Variants in SCGB2B2 observed in about 807,000 individuals in gnomAD.
The protein encoded by SCGB2B2 is secretoglobin-like protein.
A neutral mutation model predicts 7.6 loss-of-function variants in SCGB2B2; 11 were observed. The observed-to-expected ratio is 1.45, with a 90% CI of 0.91 to 2.40. The LOEUF (loss-of-function observed/expected upper bound fraction) is 2.40, where lower values mean the gene tolerates loss of function less well. SCGB2B2 is among the 30% of genes most tolerant of loss of function. SCGB2B2 has a pLI of 0.00. For synonymous variants in SCGB2B2, 50 were observed against 48.6 expected (o/e 1.03, Z -0.12); for missense variants, 104 against 115.4 (o/e 0.90, Z 0.45).
intron 1 of SCGB2B2, among the ~76,000 whole-genome samples, chr19:34,660,454 C>T (rs2067421509): frequency 6.6e-6 from 1 of 152,062 alleles, no homozygotes; most frequent in South Asian, 2.1e-4. Context: ...AGCAAACAAC[C>T]CCATCAAAAA....
At chr19:34,643,227 T>C (rs1034824882) in intron 1 of SCGB2B2, among the ~76,000 whole-genome samples, 5 of 152,202 alleles carry the variant, frequency 3.3e-5, no homozygotes, top group Admixed American at 2.6e-4. Flanking sequence ...ACTATCCCTA[T>C]ATTATTACTA....
chr19:34,665,064 C>T (rs1017869176), intron 1 of SCGB2B2, among the ~76,000 whole-genome samples: 4 of 152,208 alleles, frequency 2.6e-5, no homozygotes, highest in African/African-American at 9.7e-5. Context: ...CTTTCTGACC[C>T]TGGACCTGCC....
At chr19:34,609,047 T>G (rs1219263647) in intron 1 of SCGB2B2, among the ~76,000 whole-genome samples, 1 of 152,122 alleles carries the variant, frequency 6.6e-6, no homozygotes, top group African/African-American at 2.4e-5. Context: ...ACTGTGGTTT[T>G]GATTTGCATT....
At chr19:34,672,018 A>G (rs1284649683) in intron 1 of SCGB2B2, among the ~76,000 whole-genome samples, 2 of 152,198 alleles carry the variant, frequency 1.3e-5, no homozygotes, top group Non-Finnish European at 2.9e-5. Flanking sequence ...GTGCACTCCC[A>G]TATTCCAAAC....
intron 1 of SCGB2B2, among the ~76,000 whole-genome samples, chr19:34,621,249 G>C (rs2066233151): frequency 6.6e-6 from 1 of 152,036 alleles, no homozygotes; most frequent in South Asian, 2.1e-4. Context: ...TTTTTTGTTC[G>C]TCAATTTTCT....
At chr19:34,672,527 G>A (rs1032768316) in intron 1 of SCGB2B2, among the ~76,000 whole-genome samples, 1 of 152,200 alleles carries the variant, frequency 6.6e-6, no homozygotes, top group Admixed American at 6.5e-5. Flanking sequence ...TAGTGGCCTA[G>A]TGTAGCTCTA....
chr19:34,608,685 A>ATATATATATATATATATATC (rs1489127995), intron 1 of SCGB2B2: 2 of 131,474 alleles, frequency 1.5e-5, no homozygotes, highest in Non-Finnish European at 3.4e-5. Context: ...ATATATATAT[A>ATATATATATATATATATATC]CCGTATTTTC....
chr19:34,600,886 A>G (rs1156452993), intron 1 of SCGB2B2, among the ~76,000 whole-genome samples: 1 of 150,376 alleles, frequency 6.6e-6, no homozygotes, highest in African/African-American at 2.5e-5. Flanking sequence ...CTATAATTAA[A>G]TTTATCAATG....
At chr19:34,639,643 C>T (rs1411849602) in intron 1 of SCGB2B2, among the ~76,000 whole-genome samples, 3 of 152,174 alleles carry the variant, frequency 2.0e-5, no homozygotes, top group African/African-American at 7.2e-5. Flanking sequence ...ATCAGGCTTA[C>T]AGGTCAAATT....
In SCGB2B2 at chr19:34,618,106, G is replaced by A. The variant is rs538598161; in HGVS notation, c.-2031-21512C>T. 2.2e-3 allele frequency among the ~76,000 whole-genome samples: 338 copies of A among 152,292 alleles called. 2 individuals carry two copies. The highest frequency in any genetic ancestry group is 7.7e-3 in the African/African-American group (320 of 41,552). On this transcript the variant is annotated intron_variant, in intron 1 of 3. Coordinates refer to ENST00000601241, the MANE Select transcript of SCGB2B2 (RefSeq NM_001025591.4). ...ATCACTCGTCTTCTGCATCACTCAC[G>A]CTGGGAGCTGTAGACCGGAGCTGTT... is the stretch of plus-strand genomic sequence containing the variant.
In SCGB2B2 at chr19:34,624,427, C is replaced by A. The variant is rs557193388; in HGVS notation, c.-2031-27833G>T. Among the ~76,000 whole-genome samples the A allele has an allele frequency of 2.2e-4, 34 of 152,124 alleles. No individual in the cohort carries two copies. The East Asian group carries it at 6.4e-3, about 28-fold the overall frequency. Reference sequence around the variant, plus strand: ...AAAGTTTAGTTGAAATCTTGAAATCCCCCCATCTCAAGGAAATCACAGAAG... The same window carrying A: ...AAAGTTTAGTTGAAATCTTGAAATCACCCCATCTCAAGGAAATCACAGAAG... On this transcript the variant is annotated intron_variant, in intron 1 of 3. Coordinates refer to ENST00000601241, the MANE Select transcript of SCGB2B2 (RefSeq NM_001025591.4).
At chr19:34,658,536 C>T (rs993968154) in intron 1 of SCGB2B2, among the ~76,000 whole-genome samples, 1 of 152,022 alleles carries the variant, frequency 6.6e-6, no homozygotes, top group Non-Finnish European at 1.5e-5. Flanking sequence ...ATACGCTCTC[C>T]CAAGACTAAA....
rs561568657 is a variant in SCGB2B2 at position 34,658,159 on chromosome 19, C to T, written c.-2032+17471G>A. On this transcript the variant is annotated intron_variant, in intron 1 of 3. Coordinates refer to ENST00000601241, the MANE Select transcript of SCGB2B2 (RefSeq NM_001025591.4). ...AGAGAAAGGAGGAGAGATCTAAAAT[C>T]GACACCCTAACATCACAATTAAAAG... 3.6e-4 allele frequency among the ~76,000 whole-genome samples: 55 copies of T among 152,056 alleles called. 1 individual carries two copies. In the South Asian group the frequency reaches 3.7e-3, roughly 10 times the overall value.
chr19:34,666,934 G>A (rs961336663), intron 1 of SCGB2B2, among the ~76,000 whole-genome samples: 1 of 152,020 alleles, frequency 6.6e-6, no homozygotes, highest in African/African-American at 2.4e-5. Context: ...GTTTCTGACC[G>A]AGGACAAGGA....
intron 1 of SCGB2B2, among the ~76,000 whole-genome samples, chr19:34,653,972 C>T (rs976357531): frequency 3.3e-5 from 4 of 122,224 alleles, no homozygotes; most frequent in Admixed American, 7.8e-5. Context: ...CCCAGAGCAA[C>T]GAGGCAAGAA....
At chr19:34,614,315 A>C (rs2066012009) in intron 1 of SCGB2B2, among the ~76,000 whole-genome samples, 1 of 151,490 alleles carries the variant, frequency 6.6e-6, no homozygotes, top group South Asian at 2.1e-4. Flanking sequence ...CTTATATCTT[A>C]ATTTTTCTGT....
intron 1 of SCGB2B2, among the ~76,000 whole-genome samples, chr19:34,642,700 GCA>G (rs2066877713): frequency 1.1e-5 from 1 of 93,642 alleles, no homozygotes; most frequent in Non-Finnish European, 1.9e-5. Context: ...GGGCGACAGA[GCA>G]AGACTCCGTC....
chr19:34,613,686 C>A (rs539146189), intron 1 of SCGB2B2, among the ~76,000 whole-genome samples: 26 of 152,258 alleles, frequency 1.7e-4, no homozygotes, highest in Middle Eastern at 3.4e-3. Context: ...TGATTCCTTT[C>A]TTTTTCTCCT....
At chr19:34,648,719 A>G (rs1281450498) in intron 1 of SCGB2B2, among the ~76,000 whole-genome samples, 1 of 151,202 alleles carries the variant, frequency 6.6e-6, no homozygotes, top group Non-Finnish European at 1.5e-5. Flanking sequence ...CCTTTTTTCC[A>G]CAGTTTTAAT....
Sources: gnomAD v4.1 joint callset for allele counts (sites outside exome capture counted in the v4.1 genomes callset) on GRCh38, gnomAD v4.1.1 for gene constraint, MANE v1.5 for transcripts, NCBI Gene and HGNC (gene_info 2026-07-23, HGNC 2026-07-21) for gene names.